Variants in ZNF507 observed in about 807,000 individuals in gnomAD.
The protein encoded by ZNF507 is zinc finger protein 507.
Under a neutral mutation model 80.0 loss-of-function variants are expected in ZNF507, and 29 were observed. The ratio of observed to expected loss-of-function variants is 0.36; its 90% CI spans 0.27 to 0.49. The LOEUF (loss-of-function observed/expected upper bound fraction) is 0.49, where lower values mean the gene tolerates loss of function less well. Among genes scored for constraint, ZNF507 ranks in the 20% least tolerant of loss-of-function variants. ZNF507 has a pLI of 0.98. For missense variants in ZNF507, 1,081 were observed against 1,152.2 expected, an observed-to-expected ratio of 0.94 and a Z score of 0.90; for synonymous variants, 462 against 422.5, an observed-to-expected ratio of 1.09 and a Z score of -1.15.
In ZNF507 at chr19:32,354,135, C is replaced by T. The variant is rs576068133; in HGVS notation, c.1305C>T (p.Arg435=). 3.2e-5 allele frequency: 51 copies of T among 1,613,076 alleles called. No individual in the cohort carries two copies. The African/African-American group carries it at 3.3e-4, about 11-fold the overall frequency. The change falls in exon 3 of 7, where the codon CGC becomes CGT. Residue 435 remains arginine, a synonymous_variant. Transcript: ENST00000355898. The part of the protein sequence containing the change: ...DLSLTEAQIG[R]EGMDDVYRAD... Reference sequence around the variant, plus strand: ...GCCTGACAGAAGCTCAGATTGGGCGCGAAGGAATGGATGATGTTTATCGTG... The same window carrying T: ...GCCTGACAGAAGCTCAGATTGGGCGTGAAGGAATGGATGATGTTTATCGTG...
At chr19:32,365,170 C>G (rs1204350515) in intron 5 of ZNF507, among the ~76,000 whole-genome samples, 1 of 152,110 alleles carries the variant, frequency 6.6e-6, no homozygotes, top group African/African-American at 2.4e-5. Flanking sequence ...ATGTCCTTAG[C>G]CCACTTTTTG....
At chr19:32,378,910 T>C (rs995729542) in intron 5 of ZNF507, among the ~76,000 whole-genome samples, 4 of 152,188 alleles carry the variant, frequency 2.6e-5, no homozygotes, top group African/African-American at 9.7e-5. Flanking sequence ...ACAGCCAGCA[T>C]TTCGTGTCTG....
At chr19:32,374,598 C>T (rs1234911577) in intron 5 of ZNF507, among the ~76,000 whole-genome samples, 1 of 151,906 alleles carries the variant, frequency 6.6e-6, no homozygotes, top group African/African-American at 2.4e-5. Flanking sequence ...TCTCGTGCCT[C>T]AGCCTCCTGA....
In ZNF507 at chr19:32,386,632, T is replaced by C. The variant is rs769551591; in HGVS notation, c.*3549T>C. 2 of 152,688 alleles carry C rather than the reference T, an allele frequency of 1.3e-5. No homozygotes were observed. Among genetic ancestry groups the C allele is most frequent in the Non-Finnish European group, 1.5e-5 (1 of 68,058 alleles). 9.5% of individuals were successfully genotyped at this position (152,688 alleles called of 1,614,324 possible). A position where few individuals can be genotyped will look rare whatever the true frequency, so the allele number is the denominator to read the frequency against. On this transcript the variant is annotated 3_prime_UTR_variant, in exon 7 of 7. Coordinates refer to ENST00000355898, the MANE Select transcript of ZNF507 (RefSeq NM_001136156.2). ...GGATGATTTGCATTTTGTAAAATTA[T>C]CCTGCACATCAAGCTGCATGCCTTA...
intron 5 of ZNF507, among the ~76,000 whole-genome samples, chr19:32,381,127 G>A (rs772718430): frequency 1.6e-4 from 24 of 152,044 alleles, no homozygotes; most frequent in Non-Finnish European, 3.1e-4. Context: ...CATGCATATC[G>A]CTATGATTCC....
At position 32,386,955 on chromosome 19, in the gene ZNF507, G is replaced by C. The variant is rs1967697854; in HGVS notation, c.*3872G>C. On this transcript the variant is annotated 3_prime_UTR_variant, in exon 7 of 7. Coordinates refer to ENST00000355898, the MANE Select transcript of ZNF507 (RefSeq NM_001136156.2). ...GTAAATAATTAAAAGCTTCCCAAGA[G>C]TTAAATGAAGGTTATGATGACTCTT... 1.3e-5 allele frequency: 2 copies of C among 152,280 alleles called. No homozygotes were observed. 9.4% of individuals were successfully genotyped at this position (152,280 alleles called of 1,614,324 possible). A position where few individuals can be genotyped will look rare whatever the true frequency, so the allele number is the denominator to read the frequency against.
chr19:32,359,126 A>C (rs1446233457), intron 4 of ZNF507: 2 of 152,116 alleles, frequency 1.3e-5, no homozygotes, highest in Non-Finnish European at 2.9e-5. Context: ...TTTTTTTAAA[A>C]CTGTATTTGG....
In ZNF507 at chr19:32,353,986, A is replaced by T; in HGVS notation, c.1156A>T (p.Ser386Cys). 6.2e-7 allele frequency: 1 copy of T among 1,614,174 alleles called. No homozygotes were observed. Among genetic ancestry groups the T allele is most frequent in the Non-Finnish European group, 8.5e-7 (1 of 1,180,040 alleles). ...SLLTSAQKIISSSPNKKGHVN... is the reference protein window; with the variant it reads ...SLLTSAQKIICSSPNKKGHVN... The stretch of plus-strand genomic sequence containing the variant: ...GCTTACATCAGCACAGAAAATCATC[A>T]GCAGCAGCCCCAATAAAAAAGGGCA... Residue 386 changes from serine (S) to cysteine (C), a missense_variant, in exon 3 of 7, where the codon AGC becomes TGC. Ser to Cys is a moderately radical substitution (Grantham distance 112). Transcript: ENST00000355898.
rs1244897219 is a variant in ZNF507, at chr19:32,384,681, G to A, written c.*1598G>A. On this transcript the variant is annotated 3_prime_UTR_variant, in exon 7 of 7. Coordinates refer to ENST00000355898, the MANE Select transcript of ZNF507 (RefSeq NM_001136156.2). ...TTATTATTAGGAATTATTTAAGTGG[G>A]GCCAGGCATCTTGCAACATTTTCTG... 7.0e-6 allele frequency: 1 copy of A among 143,610 alleles called. No individual in the cohort carries two copies. The highest frequency in any genetic ancestry group is 2.6e-5 in the African/African-American group (1 of 38,380). The allele number at this position is 143,610 out of a possible 1,614,324, so 8.9% of individuals were successfully genotyped here.
At chr19:32,363,875 T>A (rs1967362522) in intron 5 of ZNF507, among the ~76,000 whole-genome samples, 1 of 151,850 alleles carries the variant, frequency 6.6e-6, no homozygotes, top group African/African-American at 2.4e-5. Flanking sequence ...CCTGCTGAGG[T>A]CCCCATGCTA....
Position 32,360,606 on chromosome 19 carries a change from A to G in ZNF507, c.2348A>G (p.Asp783Gly), listed in dbSNP as rs906037031. Residue 783 changes from aspartate (D) to glycine (G), a missense_variant, in exon 5 of 7, where the codon GAT becomes GGT. Asp to Gly is a moderately conservative substitution (Grantham distance 94, BLOSUM62 -1). Transcript: ENST00000355898. Reference protein sequence around the residue: ...VRNHRRIHNSDKPYRCSLCGY... With the variant: ...VRNHRRIHNSGKPYRCSLCGY... ...AACCACAGGCGAATCCATAACTCTG[A>G]TAAGCCGTACAGGTAAGTGTTATGA... 1.9e-6 allele frequency: 3 copies of G among 1,592,128 alleles called. No individual in the cohort carries two copies. The highest frequency in any genetic ancestry group is 2.6e-6 in the Non-Finnish European group (3 of 1,167,436).
intron 5 of ZNF507, among the ~76,000 whole-genome samples, chr19:32,379,218 A>T (rs1967593036): frequency 1.3e-5 from 2 of 152,208 alleles, no homozygotes; most frequent in Non-Finnish European, 2.9e-5. Context: ...TCTGATAAAG[A>T]TGTTAGTGAA....
chr19:32,353,159 T>C lies in ZNF507; in HGVS notation c.329T>C (p.Phe110Ser). The C allele has an allele frequency of 1.2e-6, 2 of 1,614,200 alleles. No homozygotes were observed. The highest frequency in any genetic ancestry group is 1.7e-6 in the Non-Finnish European group (2 of 1,180,038). Residue 110 changes from phenylalanine (F) to serine (S), a missense_variant, in exon 3 of 7, where the codon TTT (phenylalanine) becomes TCT (serine). This residue lies in a region of ZNF507 where 275 missense variants were observed against 303.9 expected (regional missense o/e 0.90). Transcript: ENST00000355898. Reference sequence around the variant, plus strand: ...AGGGCTGAGATGTCACAAACAAATTTTACCCCTGACACTCTTGCCCAGAAT... The same window carrying C: ...AGGGCTGAGATGTCACAAACAAATTCTACCCCTGACACTCTTGCCCAGAAT... ...TRRAEMSQTNFTPDTLAQNEG... is the reference protein window; with the variant it reads ...TRRAEMSQTNSTPDTLAQNEG...
At position 32,353,083 on chromosome 19, in the gene ZNF507, C is replaced by A; in HGVS notation, c.253C>A (p.Leu85Ile). ...AATHSLETQE[L>I]CEIPAKVIQS... The stretch of plus-strand genomic sequence containing the variant: ...AACACACTCTCTTGAAACCCAAGAA[C>A]TTTGTGAGATTCCGGCTAAAGTAAT... Residue 85 changes from leucine to isoleucine, a missense_variant, in exon 3 of 7, where the codon CTT becomes ATT. Transcript: ENST00000355898. 1 of 1,614,208 alleles carries A rather than the reference C, an allele frequency of 6.2e-7. No individual in the cohort carries two copies. Among genetic ancestry groups the A allele is most frequent in the Admixed American group, 1.7e-5 (1 of 60,018 alleles).
At chr19:32,361,784 CTCCT>C (rs1263579667) in intron 5 of ZNF507, among the ~76,000 whole-genome samples, 1 of 141,368 alleles carries the variant, frequency 7.1e-6, no homozygotes, top group African/African-American at 2.7e-5. Context: ...CTCTCCCTCC[CTCCT>C]TCCTTCCTTT....
intron 5 of ZNF507, among the ~76,000 whole-genome samples, chr19:32,372,121 T>G (rs1185325670): frequency 6.6e-6 from 1 of 152,148 alleles, no homozygotes; most frequent in Admixed American, 6.5e-5. Flanking sequence ...GGATGGAACA[T>G]TATACCCCAT....
Position 32,354,158 on chromosome 19 carries a change from G to A in ZNF507, c.1328G>A (p.Arg443His), listed in dbSNP as rs770421341. The A allele has an allele frequency of 1.9e-5, 31 of 1,612,982 alleles. No homozygotes were observed. Among genetic ancestry groups the A allele is most frequent in the East Asian group, 6.7e-5 (3 of 44,888 alleles). Reference sequence around the variant, plus strand: ...CGCGAAGGAATGGATGATGTTTATCGTGCTGATAAATGTACTGTTGATATT... The same window carrying A: ...CGCGAAGGAATGGATGATGTTTATCATGCTGATAAATGTACTGTTGATATT... Reference protein sequence around the residue: ...IGREGMDDVYRADKCTVDIGG... With the variant: ...IGREGMDDVYHADKCTVDIGG... The change falls in exon 3 of 7, where the codon CGT becomes CAT. Residue 443 changes from arginine to histidine, a missense_variant. By Grantham distance (29) the Arg-to-His change is conservative. Transcript: ENST00000355898.
chr19:32,348,767 C>T (rs957852333), intron 2 of ZNF507, among the ~76,000 whole-genome samples: 1 of 152,136 alleles, frequency 6.6e-6, no homozygotes, highest in Non-Finnish European at 1.5e-5. Flanking sequence ...TTTGCTAATG[C>T]CTGTCGTCTT....
Position 32,354,750 on chromosome 19 carries a change from C to T in ZNF507, c.1920C>T (p.Pro640=). The T allele has an allele frequency of 1.9e-6, 3 of 1,614,148 alleles. No individual in the cohort carries two copies. The highest frequency in any genetic ancestry group is 2.5e-6 in the Non-Finnish European group (3 of 1,180,012). Residue 640 remains proline (P), a synonymous_variant, in exon 3 of 7, where the codon CCC becomes CCT. Transcript: ENST00000355898. The part of the protein sequence containing the change: ...VVEYIPNAER[P]YRCRLCHYTS... ...AATACATCCCGAATGCTGAACGACC[C>T]TACCGTTGCCGCCTGTGTCACTACA... is the stretch of plus-strand genomic sequence containing the variant.
Sources: allele counts gnomAD v4.1 joint callset (sites outside exome capture counted in the v4.1 genomes callset), GRCh38; gene constraint gnomAD v4.1.1; regional missense constraint gnomAD v4.1.1; transcripts MANE v1.5; gene names NCBI Gene and HGNC (gene_info 2026-07-23, HGNC 2026-07-21).